ERBB4: variants seen among roughly 807,000 people sequenced by gnomAD.
ERBB4 encodes receptor tyrosine-protein kinase erbB-4.
Under a neutral mutation model 158.0 loss-of-function variants are expected in ERBB4, and 42 were observed. That is an observed-to-expected ratio of 0.27 (90% confidence interval 0.21 to 0.34). The LOEUF is 0.34. Ranked by LOEUF, ERBB4 falls within the 10% of genes least tolerant of loss-of-function variation. The pLI is 1.00. For synonymous variants in ERBB4, 583 were observed against 558.7 expected (o/e 1.04, Z -0.61); for missense variants, 1,333 against 1,624.1 (o/e 0.82, Z 3.08).
intron 20 of ERBB4, among the ~76,000 whole-genome samples, chr2:211,494,302 C>T (rs960014195): frequency 5.3e-5 from 8 of 152,090 alleles, no homozygotes; most frequent in Admixed American, 2.0e-4. Flanking sequence ...CGCACCCCGC[C>T]GGACTCCCTG....
intron 1 of ERBB4, among the ~76,000 whole-genome samples, chr2:212,498,827 C>T (rs941991695): frequency 1.3e-5 from 2 of 151,828 alleles, no homozygotes; most frequent in African/African-American, 4.8e-5. Context: ...TAATAGTGGT[C>T]TAATGAAGGA....
intron 20 of ERBB4, among the ~76,000 whole-genome samples, chr2:211,490,841 T>C (rs978603409): frequency 1.3e-5 from 2 of 152,134 alleles, no homozygotes; most frequent in Non-Finnish European, 2.9e-5. Context: ...ATGTTGTTTG[T>C]TCTCAAGAAA....
At chr2:212,094,936 A>G (rs752472201) in intron 2 of ERBB4, among the ~76,000 whole-genome samples, 37 of 152,234 alleles carry the variant, frequency 2.4e-4, no homozygotes, top group Non-Finnish European at 4.6e-4. Context: ...TACTTTCATT[A>G]AAGGAAATTA....
intron 1 of ERBB4, among the ~76,000 whole-genome samples, chr2:212,433,784 A>G (rs2092080828): frequency 2.0e-5 from 3 of 152,150 alleles, no homozygotes; most frequent in Admixed American, 2.0e-4. Flanking sequence ...AATCTTCAAC[A>G]TAACAAATCA....
intron 3 of ERBB4, among the ~76,000 whole-genome samples, chr2:211,793,285 T>G (rs1387866592): frequency 6.6e-6 from 1 of 151,920 alleles, no homozygotes; most frequent in Non-Finnish European, 1.5e-5. Context: ...ATAAGAAGGA[T>G]CTAATAAACA....
intron 2 of ERBB4, among the ~76,000 whole-genome samples, chr2:212,091,412 T>A (rs1156826201): frequency 6.6e-6 from 1 of 152,176 alleles, no homozygotes; most frequent in Non-Finnish European, 1.5e-5. Flanking sequence ...ACATCCCTAC[T>A]TCACTGACTT....
chr2:211,431,212 G>C, intron 20 of ERBB4, 112 bp from the exon 21 acceptor site: 1 of 903,814 alleles, frequency 1.1e-6, no homozygotes, highest in Non-Finnish European at 1.8e-6. Context: ...TTTAAGTGAA[G>C]CCAGAATCCT....
chr2:211,384,287 A>G (rs745505620), intron 27 of ERBB4, among the ~76,000 whole-genome samples: 6 of 152,196 alleles, frequency 3.9e-5, no homozygotes, highest in Non-Finnish European at 4.4e-5. Context: ...GGCCAGAATC[A>G]GAATTTCTAT....
intron 19 of ERBB4, among the ~76,000 whole-genome samples, chr2:211,594,126 C>A (rs1384746300): frequency 6.6e-6 from 1 of 151,996 alleles, no homozygotes; most frequent in Non-Finnish European, 1.5e-5. Flanking sequence ...CCGATAACAA[C>A]AACAACAACA....
chr2:212,071,399 G>A (rs898683139), intron 2 of ERBB4, among the ~76,000 whole-genome samples: 2 of 151,284 alleles, frequency 1.3e-5, no homozygotes, highest in African/African-American at 4.9e-5. Flanking sequence ...AATAAACAGA[G>A]GCAGATTCTA....
At chr2:212,315,631 A>G (rs1288417299) in intron 1 of ERBB4, among the ~76,000 whole-genome samples, 2 of 151,320 alleles carry the variant, frequency 1.3e-5, no homozygotes, top group Non-Finnish European at 1.5e-5. Flanking sequence ...AGCTATACAA[A>G]TATCCTGCCT....
intron 2 of ERBB4, among the ~76,000 whole-genome samples, chr2:212,003,741 A>G (rs1473385300): frequency 6.6e-6 from 1 of 152,248 alleles, no homozygotes; most frequent in African/African-American, 2.4e-5. Context: ...CCTGTTCCAC[A>G]GCCCAGTCCA....
chr2:211,824,684 G>C (rs949080357), intron 3 of ERBB4, among the ~76,000 whole-genome samples: 1 of 150,958 alleles, frequency 6.6e-6, no homozygotes, highest in Non-Finnish European at 1.5e-5. Flanking sequence ...AAATGAACTT[G>C]ACAATGATGA....
chr2:211,399,845 T>G (rs552838175), intron 25 of ERBB4, among the ~76,000 whole-genome samples: 1 of 152,180 alleles, frequency 6.6e-6, no homozygotes, highest in African/African-American at 2.4e-5. Context: ...CTAAGAACAA[T>G]AAGACAGACC....
intron 20 of ERBB4, among the ~76,000 whole-genome samples, chr2:211,524,104 A>G (rs2066267547): frequency 6.6e-6 from 1 of 152,068 alleles, no homozygotes; most frequent in African/African-American, 2.4e-5. Context: ...CTTGAGCTAG[A>G]TACAGAGTGC....
chr2:212,361,538 G>C (rs16848452), intron 1 of ERBB4, among the ~76,000 whole-genome samples: 3,784 of 151,662 alleles, frequency 0.025, 172 homozygotes, highest in African/African-American at 0.086. Context: ...TCTTTTACTG[G>C]CACTCTTACT....
At chr2:211,903,048 C>A (rs1356519568) in intron 3 of ERBB4, among the ~76,000 whole-genome samples, 4 of 151,870 alleles carry the variant, frequency 2.6e-5, no homozygotes, top group Non-Finnish European at 4.4e-5. Context: ...TCATATATAG[C>A]TCTTCTATTG....
At chr2:211,817,229 C>T (rs528453262) in intron 3 of ERBB4, among the ~76,000 whole-genome samples, 1 of 152,212 alleles carries the variant, frequency 6.6e-6, no homozygotes, top group East Asian at 1.9e-4. Flanking sequence ...TAATTAGTGT[C>T]CCCACATTGA....
At chr2:211,927,586 T>TTAACA (rs1233390918) in intron 3 of ERBB4, among the ~76,000 whole-genome samples, 1 of 152,098 alleles carries the variant, frequency 6.6e-6, no homozygotes, top group Non-Finnish European at 1.5e-5. Flanking sequence ...AGGCTCCACA[T>TTAACA]TAACAGAATG....
Sources: allele counts gnomAD v4.1 joint callset (sites outside exome capture counted in the v4.1 genomes callset), GRCh38; gene constraint gnomAD v4.1.1; transcripts MANE v1.5; gene names NCBI Gene and HGNC (gene_info 2026-07-23, HGNC 2026-07-21).